The following DYNC1LI1 variants were observed in gnomAD, a reference collection of about 807,000 sequenced individuals.
The protein encoded by DYNC1LI1 is dynein cytoplasmic 1 light intermediate chain 1.
DYNC1LI1 carries 19 observed loss-of-function variants against 63.8 expected under a neutral mutation model. The ratio of observed to expected loss-of-function variants is 0.30; its 90% CI spans 0.21 to 0.44. The LOEUF (loss-of-function observed/expected upper bound fraction) is 0.44, where lower values mean the gene tolerates loss of function less well. DYNC1LI1 is among the 20% of genes least tolerant of loss of function. The pLI is 1.00. For synonymous variants in DYNC1LI1, 225 were observed against 232.3 expected, an observed-to-expected ratio of 0.97 and a Z score of 0.28; for missense variants, 565 against 630.2, an observed-to-expected ratio of 0.90 and a Z score of 1.11.
intron 1 of DYNC1LI1, 97 bp downstream of exon 1, chr3:32,570,528 C>A (rs1315565428): frequency 6.0e-6 from 9 of 1,488,834 alleles, no homozygotes; most frequent in Non-Finnish European, 8.1e-6. Flanking sequence ...ACGCAGTGGC[C>A]GGGCCCGGCG....
intron 2 of DYNC1LI1, among the ~76,000 whole-genome samples, chr3:32,554,808 C>T (rs554611018): frequency 6.6e-4 from 99 of 149,726 alleles, no homozygotes; most frequent in Non-Finnish European, 1.1e-3. Flanking sequence ...ATCAACCACT[C>T]TTCCTCCTCT....
chr3:32,556,250 C>T (rs902911670), intron 2 of DYNC1LI1, among the ~76,000 whole-genome samples: 5 of 152,196 alleles, frequency 3.3e-5, no homozygotes, highest in African/African-American at 7.2e-5. Flanking sequence ...TTTGACTCCA[C>T]ATGTTTGGTT....
chr3:32,532,991 G>A lies in DYNC1LI1; in HGVS notation c.1075C>T (p.Arg359Ter). ...FEDIITKPPV[R>*]KFVHEKEIMA... ...TTATTTACTAAAATGGTTACCTTTCGAACAGGTGGTTTAGTTATGATGTCT... is the reference window on the plus strand; with the variant it reads ...TTATTTACTAAAATGGTTACCTTTCAAACAGGTGGTTTAGTTATGATGTCT... The change falls in exon 8 of 13, where the codon CGA becomes TGA. Residue 359 changes from arginine (R) to a stop codon, truncating the protein, a stop_gained. Transcript: ENST00000273130. LOFTEE classifies it high-confidence loss of function. 2 of 1,573,278 alleles carry A rather than the reference G, an allele frequency of 1.3e-6. No individual in the cohort carries two copies. The highest frequency in any genetic ancestry group is 1.7e-6 in the Non-Finnish European group (2 of 1,166,886).
At position 32,529,680 on chromosome 3, in the gene DYNC1LI1, T is replaced by C. The variant is rs374353229; in HGVS notation, c.1186-20A>G. On this transcript the variant is annotated intron_variant, in intron 10 of 12. Coordinates refer to ENST00000273130, the MANE Select transcript of DYNC1LI1 (RefSeq NM_016141.4). The stretch of plus-strand genomic sequence containing the variant: ...GGCATCCTATGTAAAAATAGGAAAA[T>C]ACAATTATAAAAACCTGAAACTTTC... 11 of 1,560,664 alleles carry C rather than the reference T, an allele frequency of 7.0e-6. No homozygotes were observed. In the African/African-American group the frequency reaches 1.1e-4, roughly 16 times the overall value.
At chr3:32,530,216 T>G in intron 10 of DYNC1LI1, 68 bp downstream of exon 10, 2 of 1,288,836 alleles carry the variant, frequency 1.6e-6, no homozygotes, top group South Asian at 2.9e-5. Flanking sequence ...ATGTACATAA[T>G]TAATAAAAAA....
chr3:32,555,479 T>C (rs1698102521), intron 2 of DYNC1LI1, among the ~76,000 whole-genome samples: 1 of 152,246 alleles, frequency 6.6e-6, no homozygotes, highest in Non-Finnish European at 1.5e-5. Context: ...TGCAGTCTTG[T>C]TCTAGGGTTA....
chr3:32,544,305 C>G (rs1697923242), intron 4 of DYNC1LI1, among the ~76,000 whole-genome samples: 1 of 152,132 alleles, frequency 6.6e-6, no homozygotes, highest in African/African-American at 2.4e-5. Flanking sequence ...AAATGAGCAG[C>G]TGAAGAAAGA....
At chr3:32,557,161 A>G (rs1559442959) in intron 2 of DYNC1LI1, among the ~76,000 whole-genome samples, 1 of 152,120 alleles carries the variant, frequency 6.6e-6, no homozygotes, top group South Asian at 2.1e-4. Flanking sequence ...TCACCTATAC[A>G]ATTAGAAGGA....
intron 10 of DYNC1LI1, 75 bp downstream of exon 10, chr3:32,530,209 T>C: frequency 2.5e-6 from 3 of 1,219,618 alleles, no homozygotes; most frequent in Non-Finnish European, 3.4e-6. Flanking sequence ...ATGAAATATG[T>C]ACATAATTAA....
chr3:32,537,948 AAT>A (rs1418666218), intron 5 of DYNC1LI1, among the ~76,000 whole-genome samples: 5 of 9,678 alleles, frequency 5.2e-4, no homozygotes, highest in Admixed American at 2.3e-3. Flanking sequence ...ATATATATAT[AAT>A]TTATATATAT....
chr3:32,534,665 G>A lies in DYNC1LI1; in HGVS notation c.833-19C>T. ...GCACCATCTGAATAATATGGTTAAA[G>A]AAAAATTCTGGACAAATGTCATGAG... is the stretch of plus-strand genomic sequence containing the variant. On this transcript the variant is annotated intron_variant, in intron 6 of 12. Coordinates refer to ENST00000273130, the MANE Select transcript of DYNC1LI1 (RefSeq NM_016141.4). 1 of 1,508,982 alleles carries A rather than the reference G, an allele frequency of 6.6e-7. No individual in the cohort carries two copies. The highest frequency in any genetic ancestry group is 8.8e-7 in the Non-Finnish European group (1 of 1,131,884). The allele number at this position is 1,508,982 out of a possible 1,614,324, so 93.5% of individuals were successfully genotyped here.
At chr3:32,566,869 C>T (rs1175625805) in intron 2 of DYNC1LI1, 7 of 278,178 alleles carry the variant, frequency 2.5e-5, no homozygotes, top group African/African-American at 1.2e-4. Flanking sequence ...ACTTAAAATA[C>T]ATGTGCAAGA....
At position 32,530,776 on chromosome 3, in the gene DYNC1LI1, CA is replaced by C. The variant is rs1697685683; in HGVS notation, c.1081-257del. On this transcript the variant is annotated intron_variant, in intron 8 of 12. Coordinates refer to ENST00000273130, the MANE Select transcript of DYNC1LI1 (RefSeq NM_016141.4). ...TCACTAGCCACCAGTGGCTACTGAGCACTTGAAATGTGGCTAGTGTGACTAA... is the reference window on the plus strand; with the variant it reads ...TCACTAGCCACCAGTGGCTACTGAGCCTTGAAATGTGGCTAGTGTGACTAA... 3 of 409,346 alleles carry C rather than the reference CA, an allele frequency of 7.3e-6. No homozygotes were observed. The Admixed American group carries it at 1.1e-4, about 16-fold the overall frequency. 25.4% of individuals were successfully genotyped at this position (409,346 alleles called of 1,614,324 possible).
At chr3:32,562,528 G>A (rs1698207364) in intron 2 of DYNC1LI1, among the ~76,000 whole-genome samples, 4 of 151,970 alleles carry the variant, frequency 2.6e-5, no homozygotes, top group Admixed American at 1.3e-4. Context: ...TTTTGTAGAG[G>A]CAGAGTCTTG....
chr3:32,536,413 C>T (rs1697774209), intron 6 of DYNC1LI1, among the ~76,000 whole-genome samples: 1 of 152,164 alleles, frequency 6.6e-6, no homozygotes, highest in African/African-American at 2.4e-5. Context: ...TTTTAACCTT[C>T]ATTTTCTCCC....
chr3:32,529,168 A>C (rs1697662244), intron 11 of DYNC1LI1, among the ~76,000 whole-genome samples: 1 of 152,222 alleles, frequency 6.6e-6, no homozygotes, highest in African/African-American at 2.4e-5. Context: ...AAAGGCATAA[A>C]AACATAAACT....
At position 32,534,578 on chromosome 3, in the gene DYNC1LI1, C is replaced by T. The variant is rs569367799; in HGVS notation, c.901G>A (p.Val301Ile). Residue 301 changes from valine to isoleucine, a missense_variant, in exon 7 of 13, where the codon GTT becomes ATT. Val to Ile is a conservative substitution (Grantham distance 29). Coordinates refer to ENST00000273130, the MANE Select transcript of DYNC1LI1 (RefSeq NM_016141.4). Reference sequence around the variant, plus strand: ...TAGGGAAATCCATATAGTTTCTGAACGATGTATTTATATACTAAGTCTATA... The same window carrying T: ...TAGGGAAATCCATATAGTTTCTGAATGATGTATTTATATACTAAGTCTATA... ...KNIDLVYKYI[V>I]QKLYGFPYKI... is the part of the protein sequence containing the mutation. 3.9e-5 allele frequency: 62 copies of T among 1,594,980 alleles called. No individual in the cohort carries two copies. The highest frequency in any genetic ancestry group is 4.5e-5 in the Non-Finnish European group (52 of 1,165,324).
chr3:32,547,867 C>T (rs1456224226), intron 2 of DYNC1LI1, among the ~76,000 whole-genome samples: 1 of 152,096 alleles, frequency 6.6e-6, no homozygotes, highest in Non-Finnish European at 1.5e-5. Context: ...TGTCCATCAA[C>T]TCCATCAACA....
intron 2 of DYNC1LI1, among the ~76,000 whole-genome samples, chr3:32,548,302 C>T (rs1011340038): frequency 1.3e-5 from 2 of 152,048 alleles, no homozygotes; most frequent in Non-Finnish European, 2.9e-5. Context: ...ATGTGAACTG[C>T]GCACGCCTGG....
Sources: allele counts gnomAD v4.1 joint callset (sites outside exome capture counted in the v4.1 genomes callset), GRCh38; gene constraint gnomAD v4.1.1; transcripts MANE v1.5; gene names NCBI Gene and HGNC (gene_info 2026-07-23, HGNC 2026-07-21).